Variants in KLHL17 observed in about 807,000 individuals in gnomAD.
KLHL17 encodes kelch like family member 17, also known as kelch-like protein 17.
A neutral mutation model predicts 64.6 loss-of-function variants in KLHL17; 71 were observed. The ratio of observed to expected loss-of-function variants is 1.10; its 90% CI spans 0.91 to 1.34. KLHL17 has a LOEUF of 1.34. Ranked by LOEUF, KLHL17 falls within the 40% of genes most tolerant of loss-of-function variation. KLHL17 has a pLI of 0.00. For synonymous variants in KLHL17, 612 were observed against 405.4 expected (o/e 1.51, Z -6.12); for missense variants, 1,140 against 935.0 (o/e 1.22, Z -2.86).
chr1:960,611 C>T lies in KLHL17; in HGVS notation c.-83C>T. 1 of 1,176,984 alleles carries T rather than the reference C, an allele frequency of 8.5e-7. No homozygotes were observed. The highest frequency in any genetic ancestry group is 1.1e-6 in the Non-Finnish European group (1 of 938,094). 72.9% of individuals were successfully genotyped at this position (1,176,984 alleles called of 1,614,324 possible). A position where few individuals can be genotyped will look rare whatever the true frequency, so the allele number is the denominator to read the frequency against. On this transcript the variant is annotated 5_prime_UTR_variant, in exon 1 of 12. Transcript: ENST00000338591. ...GAGTGAGCGACACAGAGCGGGCCGC[C>T]ACCGCCGAGCAGCCCTCCGGCAGTC...
intron 5 of KLHL17, 38 bp downstream of exon 5, chr1:962,509 G>A: frequency 1.2e-6 from 2 of 1,606,564 alleles, no homozygotes; most frequent in Non-Finnish European, 1.7e-6. Context: ...CAGCATCCAG[G>A]AGGGCATGCA....
chr1:963,551 G>A (rs758570025), intron 8 of KLHL17, 47 bp downstream of exon 8: 7 of 1,550,098 alleles, frequency 4.5e-6, no homozygotes, highest in Non-Finnish European at 1.7e-6. Flanking sequence ...CCATCTGCAA[G>A]AGGCAAGTTT....
At chr1:963,686 C>A in intron 8 of KLHL17, 182 bp downstream of exon 8, 4 of 851,186 alleles carry the variant, frequency 4.7e-6, no homozygotes, top group Non-Finnish European at 7.1e-6. Context: ...GTGCCCTTTC[C>A]TCTCTCGGGT....
At position 963,153 on chromosome 1, in the gene KLHL17, G is replaced by A. The variant is rs145434013; in HGVS notation, c.1087G>A (p.Asp363Asn). The A allele has an allele frequency of 3.7e-5, 60 of 1,611,804 alleles. No individual in the cohort carries two copies. Among genetic ancestry groups the A allele is most frequent in the South Asian group, 2.0e-4 (18 of 91,020 alleles). Residue 363 changes from aspartate to asparagine, a missense_variant, in exon 7 of 12, where the codon GAC becomes AAC. Physicochemically the swap from Asp to Asn is conservative, Grantham distance 23. Transcript: ENST00000338591. The part of the protein sequence containing the change: ...FAIHGDCEAY[D>N]TRTDRWHVVA... ...CATCCACGGAGACTGTGAGGCCTAC[G>A]ACACGCGCACCGACCGCTGGCACGT...
intron 8 of KLHL17, chr1:963,716 G>A (rs545741601): frequency 1.5e-5 from 12 of 812,662 alleles, no homozygotes; most frequent in Non-Finnish European, 2.1e-5. Flanking sequence ...CAGTCCAGAG[G>A]CTGGGCCCAG....
chr1:961,384 G>C lies in KLHL17; in HGVS notation c.199G>C (p.Val67Leu), dbSNP rs371435441. 9 of 1,605,530 alleles carry C rather than the reference G, an allele frequency of 5.6e-6. No individual in the cohort carries two copies. Among genetic ancestry groups the C allele is most frequent in the African/African-American group, 2.7e-5 (2 of 74,836 alleles). ...GCTGCTGAGCCGCGAGGGCCACAGC[G>C]TGGCCCACAACTCCAAGCGGCACTA... The part of the protein sequence containing the change: ...VQLLSREGHS[V>L]AHNSKRHYHD... Residue 67 changes from valine to leucine, a missense_variant, in exon 2 of 12, where the codon GTG becomes CTG. By Grantham distance (32) the Val-to-Leu change is conservative. Coordinates refer to ENST00000338591, the MANE Select transcript of KLHL17 (RefSeq NM_198317.3).
At chr1:961,272 T>C in intron 1 of KLHL17, 21 bp from the exon 2 acceptor site, 8 of 1,455,514 alleles carry the variant, frequency 5.5e-6, no homozygotes, top group Non-Finnish European at 7.2e-6. Context: ...GGGCGAAGCC[T>C]GACCCGCCCG....
chr1:964,641 G>C (rs1370147517), intron 11 of KLHL17, 111 bp downstream of exon 11: 1 of 634,550 alleles, frequency 1.6e-6, no homozygotes, highest in Non-Finnish European at 2.4e-6. Flanking sequence ...CGGGTCCGCA[G>C]TGGGGATGTG....
At chr1:963,077 T>C in intron 6 of KLHL17, 32 bp from the exon 7 acceptor site, 1 of 1,605,848 alleles carries the variant, frequency 6.2e-7, no homozygotes, top group Non-Finnish European at 8.5e-7. Context: ...TGGGATCCAC[T>C]CACGAGTCCC....
chr1:965,163 C>T lies in KLHL17; in HGVS notation c.1901C>T (p.Thr634Met), dbSNP rs1316715676. The T allele has an allele frequency of 1.2e-6, 2 of 1,612,460 alleles. No homozygotes were observed. Among genetic ancestry groups the T allele is most frequent in the South Asian group, 1.1e-5 (1 of 91,072 alleles). Residue 634 changes from threonine to methionine, a missense_variant, in exon 12 of 12, where the codon ACG becomes ATG. Coordinates refer to ENST00000338591, the MANE Select transcript of KLHL17 (RefSeq NM_198317.3). ...LLNFPPPSSP[T>M]LSVSSTSL Reference sequence around the variant, plus strand: ...AATTTCCCGCCGCCATCCTCCCCGACGCTGTCCGTGTCCTCCACCAGCCTC... The same window carrying T: ...AATTTCCCGCCGCCATCCTCCCCGATGCTGTCCGTGTCCTCCACCAGCCTC...
Position 965,045 on chromosome 1 carries a change from G to A in KLHL17, c.1783G>A (p.Glu595Lys), listed in dbSNP as rs1242895384. The A allele has an allele frequency of 9.9e-6, 16 of 1,612,696 alleles. No homozygotes were observed. The highest frequency in any genetic ancestry group is 1.4e-5 in the Non-Finnish European group (16 of 1,179,872). ...NDGSSSLNSIEKYNPRTNKWV... is the reference protein window; with the variant it reads ...NDGSSSLNSIKKYNPRTNKWV... ...CGGTAGCTCCAGCCTCAACTCCATC[G>A]AGAAGTACAACCCGAGGACCAACAA... The change falls in exon 12 of 12, where the codon GAG becomes AAG. Residue 595 changes from glutamate (E) to lysine (K), a missense_variant. Glu to Lys is a moderately conservative substitution (Grantham distance 56). Coordinates refer to ENST00000338591, the MANE Select transcript of KLHL17 (RefSeq NM_198317.3).
chr1:963,612 C>A, intron 8 of KLHL17, 108 bp downstream of exon 8: 1 of 1,309,200 alleles, frequency 7.6e-7, no homozygotes, highest in Non-Finnish European at 1.0e-6. Flanking sequence ...GGAGGTGATC[C>A]GCGAGGCCGT....
rs1357215580 is a variant in KLHL17 at position 962,401 on chromosome 1, A to T, written c.758A>T (p.Glu253Val). 3.1e-6 allele frequency: 5 copies of T among 1,612,620 alleles called. No individual in the cohort carries two copies. The African/African-American group carries it at 4.0e-5, about 13-fold the overall frequency. ...SSDSLNVPSEEEVYRAVLSWV... is the reference protein window; with the variant it reads ...SSDSLNVPSEVEVYRAVLSWV... The stretch of plus-strand genomic sequence containing the variant: ...GACAGCCTGAACGTGCCTTCAGAGG[A>T]GGAGGTCTACCGAGCCGTCCTGAGC... The change falls in exon 5 of 12, where the codon GAG (glutamate) becomes GTG (valine). Residue 253 changes from glutamate (E) to valine (V), a missense_variant. By Grantham distance (121) the Glu-to-Val change is moderately radical. Transcript: ENST00000338591.
chr1:962,147 A>G (rs1642686646), intron 4 of KLHL17, 100 bp downstream of exon 4: 3 of 1,172,780 alleles, frequency 2.6e-6, no homozygotes, highest in African/African-American at 2.1e-5. Context: ...AGCCCTGCCC[A>G]CAATCCTTAG....
Position 963,337 on chromosome 1 carries a change from C to G in KLHL17, c.1188C>G (p.Gly396=). The G allele has an allele frequency of 1.2e-6, 2 of 1,608,300 alleles. No individual in the cohort carries two copies. The highest frequency in any genetic ancestry group is 1.3e-5 in the African/African-American group (1 of 74,982). ...AVGNRLYAVG[G]YDGTSDLATV... ...ACCTGCAGTGGCTTAATTCCGCTAG[C>G]TATGATGGGACCTCAGACCTGGCTA... The change falls in exon 8 of 12, where the codon GGC becomes GGG. Residue 396 remains glycine (G), a splice_region_variant and synonymous_variant. Coordinates refer to ENST00000338591, the MANE Select transcript of KLHL17 (RefSeq NM_198317.3).
Position 962,000 on chromosome 1 carries a change from G to C in KLHL17, c.664G>C (p.Val222Leu), listed in dbSNP as rs765733602. The C allele has an allele frequency of 1.8e-5, 29 of 1,612,884 alleles. No homozygotes were observed. Among genetic ancestry groups the C allele is most frequent in the Non-Finnish European group, 2.3e-5 (27 of 1,180,018 alleles). Residue 222 changes from valine to leucine, a missense_variant, in exon 4 of 12, where the codon GTG becomes CTG. Coordinates refer to ENST00000338591, the MANE Select transcript of KLHL17 (RefSeq NM_198317.3). The part of the protein sequence containing the change: ...AAHRYVLQHF[V>L]DVAKTEEFML... ...CCACAGGTACGTGCTGCAGCACTTC[G>C]TGGACGTGGCCAAGACCGAGGAGTT... is the stretch of plus-strand genomic sequence containing the variant.
chr1:961,941 A>C lies in KLHL17; in HGVS notation c.605A>C (p.Asp202Ala). 1 of 1,612,872 alleles carries C rather than the reference A, an allele frequency of 6.2e-7. No homozygotes were observed. The highest frequency in any genetic ancestry group is 8.5e-7 in the Non-Finnish European group (1 of 1,179,988). The change falls in exon 4 of 12, where the codon GAT becomes GCT. Residue 202 changes from aspartate (D) to alanine (A), a missense_variant. Coordinates refer to ENST00000338591, the MANE Select transcript of KLHL17 (RefSeq NM_198317.3). Reference protein sequence around the residue: ...SNCLGIRGFADAHSCSDLLKA... With the variant: ...SNCLGIRGFAAAHSCSDLLKA... The stretch of plus-strand genomic sequence containing the variant: ...TGCCTGGGTATCCGGGGCTTTGCCG[A>C]TGCGCACTCCTGCAGCGACCTGCTC...
In KLHL17 at chr1:962,695, G is replaced by T. The variant is rs779716613; in HGVS notation, c.829-9G>T. The stretch of plus-strand genomic sequence containing the variant: ...GTCCCGCCTGACCTTGGCGTTCCCT[G>T]CACCCCAGCTCATGAAGTGTGTGCG... On this transcript the variant is annotated splice_polypyrimidine_tract_variant and intron_variant, in intron 5 of 11. Coordinates refer to ENST00000338591, the MANE Select transcript of KLHL17 (RefSeq NM_198317.3). 24 of 1,580,456 alleles carry T rather than the reference G, an allele frequency of 1.5e-5. No individual in the cohort carries two copies. Among genetic ancestry groups the T allele is most frequent in the Non-Finnish European group, 2.1e-5 (24 of 1,166,972 alleles).
chr1:962,805 C>G lies in KLHL17; in HGVS notation c.930C>G (p.Leu310=). Residue 310 remains leucine (L), a synonymous_variant, in exon 6 of 12, where the codon CTC becomes CTG. Coordinates refer to ENST00000338591, the MANE Select transcript of KLHL17 (RefSeq NM_198317.3). The part of the protein sequence containing the change: ...LVRHHPDCKD[L]LIEALKFHLL... Reference sequence around the variant, plus strand: ...GGCACCACCCTGACTGCAAGGACCTCCTCATCGAGGCCCTGAAGTTCCACC... The same window carrying G: ...GGCACCACCCTGACTGCAAGGACCTGCTCATCGAGGCCCTGAAGTTCCACC... 2 of 1,610,158 alleles carry G rather than the reference C, an allele frequency of 1.2e-6. No individual in the cohort carries two copies. The highest frequency in any genetic ancestry group is 1.7e-6 in the Non-Finnish European group (2 of 1,179,476).
Sources: allele counts gnomAD v4.1 joint callset, GRCh38; gene constraint gnomAD v4.1.1; transcripts MANE v1.5; gene names NCBI Gene and HGNC (gene_info 2026-07-23, HGNC 2026-07-21).